Variants in ARHGAP17 observed in about 807,000 individuals in gnomAD.
ARHGAP17 encodes Rho GTPase activating protein 17, also known as rho GTPase-activating protein 17.
ARHGAP17 carries 57 observed loss-of-function variants against 99.5 expected under a neutral mutation model. The ratio of observed to expected loss-of-function variants is 0.57; its 90% CI spans 0.46 to 0.71. The LOEUF is 0.71. ARHGAP17 is among the 30% of genes least tolerant of loss of function. The pLI is 0.00. For synonymous variants in ARHGAP17, 417 were observed against 429.6 expected (o/e 0.97, Z 0.36); for missense variants, 1,000 against 1,122.4 (o/e 0.89, Z 1.56).
chr16:25,013,136 A>T (rs1264994518), intron 1 of ARHGAP17, among the ~76,000 whole-genome samples: 2 of 152,218 alleles, frequency 1.3e-5, no homozygotes, highest in Admixed American at 1.3e-4. Flanking sequence ...GAGGCATCCA[A>T]TCTATGCTGT....
rs1256483297 is a variant in ARHGAP17 at position 24,939,493 on chromosome 16, C to T, written c.1595G>A (p.Gly532Asp). 1 of 1,611,674 alleles carries T rather than the reference C, an allele frequency of 6.2e-7. No individual in the cohort carries two copies. The highest frequency in any genetic ancestry group is 1.1e-5 in the South Asian group (1 of 90,290). Residue 532 changes from glycine to aspartate, a missense_variant, in exon 17 of 20, where the codon GGC (glycine) becomes GAC (aspartate). Around this residue, in one of 2 missense-constraint regions of ARHGAP17, gnomAD observed 528 missense variants for 511.4 expected, o/e 1.03. Coordinates refer to ENST00000289968, the MANE Select transcript of ARHGAP17 (RefSeq NM_001006634.3). Reference sequence around the variant, plus strand: ...TGGGCCAGCGGGCACCACGGTGCTGCCATCTGTGGGCGGAAGTGGCGGCTG... The same window carrying T: ...TGGGCCAGCGGGCACCACGGTGCTGTCATCTGTGGGCGGAAGTGGCGGCTG... ...AFQPPLPPTD[G>D]STVVPAGPEP...
chr16:24,970,492 G>A lies in ARHGAP17; in HGVS notation c.272+15C>T, dbSNP rs756514694. The A allele has an allele frequency of 3.3e-5, 54 of 1,613,362 alleles. No homozygotes were observed. The highest frequency in any genetic ancestry group is 3.2e-5 in the Non-Finnish European group (38 of 1,179,416). ...TCTACATGGCACTTGGCACTCTGAA[G>A]GCAGCAACTCTTACCCCAGGAGAGA... On this transcript the variant is annotated intron_variant, in intron 4 of 19. Coordinates refer to ENST00000289968, the MANE Select transcript of ARHGAP17 (RefSeq NM_001006634.3).
At chr16:24,946,562 T>C (rs8050966) in intron 14 of ARHGAP17, among the ~76,000 whole-genome samples, 5,340 of 151,344 alleles carry the variant, frequency 0.035, 252 homozygotes, top group African/African-American at 0.11. Flanking sequence ...AGGCATAGGA[T>C]TATTTTGAGT....
At chr16:25,012,625 C>T (rs1260301985) in intron 1 of ARHGAP17, among the ~76,000 whole-genome samples, 4 of 152,206 alleles carry the variant, frequency 2.6e-5, no homozygotes, top group Non-Finnish European at 5.9e-5. Flanking sequence ...CACTCTCCAG[C>T]CTCCGTTTAT....
At chr16:24,959,614 C>G in intron 9 of ARHGAP17, 57 bp downstream of exon 9, 1 of 1,555,942 alleles carries the variant, frequency 6.4e-7, no homozygotes, top group Non-Finnish European at 8.8e-7. Context: ...GAAGAAGAAC[C>G]CAGGCAGAGG....
At chr16:24,950,591 T>C (rs972859855) in intron 12 of ARHGAP17, among the ~76,000 whole-genome samples, 1 of 151,878 alleles carries the variant, frequency 6.6e-6, no homozygotes, top group Non-Finnish European at 1.5e-5. Flanking sequence ...TCCCAGCAGT[T>C]TGGGAGGCCG....
chr16:24,941,754 A>G, intron 16 of ARHGAP17: 1 of 551,458 alleles, frequency 1.8e-6, no homozygotes, highest in Non-Finnish European at 3.2e-6. Flanking sequence ...CACACCACCA[A>G]GTTAAGCTGG....
At chr16:24,988,382 A>G (rs2141413576) in intron 1 of ARHGAP17, among the ~76,000 whole-genome samples, 1 of 152,296 alleles carries the variant, frequency 6.6e-6, no homozygotes, top group East Asian at 1.9e-4. Context: ...GAAAAAGGAT[A>G]CTTAACGGGG....
At chr16:24,928,821 C>T (rs2050907554) in intron 19 of ARHGAP17, among the ~76,000 whole-genome samples, 1 of 152,130 alleles carries the variant, frequency 6.6e-6, no homozygotes, top group Admixed American at 6.5e-5. Context: ...TTTTAAAAAG[C>T]TCATATGGTT....
intron 18 of ARHGAP17, among the ~76,000 whole-genome samples, chr16:24,933,290 G>C (rs1644996276): frequency 6.6e-6 from 1 of 151,878 alleles, no homozygotes; most frequent in Non-Finnish European, 1.5e-5. Flanking sequence ...CTCAAGACCA[G>C]CCTGGGCAAC....
chr16:24,950,850 A>AAAAG (rs1205367149), intron 12 of ARHGAP17, among the ~76,000 whole-genome samples: 1 of 150,836 alleles, frequency 6.6e-6, no homozygotes, highest in African/African-American at 2.5e-5. Context: ...AAAAAAAAAA[A>AAAAG]AAAAAAAAGA....
At chr16:25,008,127 T>C (rs1011425844) in intron 1 of ARHGAP17, among the ~76,000 whole-genome samples, 2 of 152,342 alleles carry the variant, frequency 1.3e-5, no homozygotes, top group African/African-American at 2.4e-5. Context: ...TCAATAGGTA[T>C]ATAACTAAAA....
At chr16:24,940,544 T>A (rs1313004076) in intron 16 of ARHGAP17, among the ~76,000 whole-genome samples, 2 of 152,056 alleles carry the variant, frequency 1.3e-5, no homozygotes, top group Non-Finnish European at 2.9e-5. Flanking sequence ...AACTATTTTT[T>A]TAGAAAATTA....
rs1490092456 is a variant in ARHGAP17, at chr16:24,919,478, T to A, written c.*652A>T. On this transcript the variant is annotated 3_prime_UTR_variant, in exon 20 of 20. Coordinates refer to ENST00000289968, the MANE Select transcript of ARHGAP17 (RefSeq NM_001006634.3). The stretch of plus-strand genomic sequence containing the variant: ...CCTTATCAAGTAGCAATTACATTGT[T>A]TAAAAAAAAAAAAAAGAACAGTACA... 1.3e-5 allele frequency: 2 copies of A among 151,342 alleles called. No homozygotes were observed. The highest frequency in any genetic ancestry group is 2.9e-5 in the Non-Finnish European group (2 of 67,926). The allele number at this position is 151,342 out of a possible 1,614,324, so 9.4% of individuals were successfully genotyped here.
At chr16:24,967,762 G>T (rs1168488451) in intron 6 of ARHGAP17, among the ~76,000 whole-genome samples, 2 of 133,284 alleles carry the variant, frequency 1.5e-5, no homozygotes, top group East Asian at 2.2e-4. Flanking sequence ...TGGTACAGCA[G>T]AGCAAGACCT....
At chr16:24,931,989 C>A (rs147726413) in intron 18 of ARHGAP17, among the ~76,000 whole-genome samples, 25 of 152,104 alleles carry the variant, frequency 1.6e-4, no homozygotes, top group African/African-American at 4.8e-4. Context: ...TGGTGGCATG[C>A]GCCTGTAATC....
chr16:25,000,930 G>T (rs1368933562), intron 1 of ARHGAP17, among the ~76,000 whole-genome samples: 1 of 152,196 alleles, frequency 6.6e-6, no homozygotes, highest in Admixed American at 6.5e-5. Flanking sequence ...TGTGTGGTTC[G>T]AAAATGAGGA....
intron 3 of ARHGAP17, among the ~76,000 whole-genome samples, chr16:24,973,025 G>A (rs964676884): frequency 2.0e-5 from 3 of 151,702 alleles, no homozygotes; most frequent in African/African-American, 4.8e-5. Flanking sequence ...ACCCACTTCC[G>A]GGGTTTTGCC....
At chr16:24,922,660 A>G (rs1448403392) in intron 19 of ARHGAP17, among the ~76,000 whole-genome samples, 1 of 152,028 alleles carries the variant, frequency 6.6e-6, no homozygotes, top group African/African-American at 2.4e-5. Flanking sequence ...ACTTCATCAC[A>G]GTAGCTAACA....
Sources: allele counts gnomAD v4.1 joint callset (sites outside exome capture counted in the v4.1 genomes callset), GRCh38; gene constraint gnomAD v4.1.1; regional missense constraint gnomAD v4.1.1; transcripts MANE v1.5; gene names NCBI Gene and HGNC (gene_info 2026-07-23, HGNC 2026-07-21).